QTMAN: variants seen among roughly 807,000 people sequenced by gnomAD.
QTMAN encodes the protein tRNA-queuosine alpha-mannosyltransferase.
chr2:143,954,373 T>C, the QTMAN span, among the ~76,000 whole-genome samples: 1 of 152,060 alleles, frequency 6.6e-6, no homozygotes, highest in African/African-American at 2.4e-5. Context: ...GCACATGTTA[T>C]CTGCTTTTTA....
the QTMAN span, among the ~76,000 whole-genome samples, chr2:144,053,981 A>G: frequency 1.3e-5 from 2 of 152,058 alleles, no homozygotes; most frequent in Non-Finnish European, 2.9e-5. Context: ...AGGTCAGGAG[A>G]TCGAGATCAT....
At chr2:144,323,906 T>C in the QTMAN span, among the ~76,000 whole-genome samples, 13 of 152,228 alleles carry the variant, frequency 8.5e-5, no homozygotes, top group Middle Eastern at 3.2e-3. Context: ...TGAAGTTACT[T>C]GTCCAAGGTC....
chr2:144,233,101 T>C, the QTMAN span, among the ~76,000 whole-genome samples: 8 of 152,192 alleles, frequency 5.3e-5, no homozygotes, highest in Admixed American at 4.6e-4. Context: ...TAGACAAAAA[T>C]AGAAAACAAT....
the QTMAN span, among the ~76,000 whole-genome samples, chr2:144,157,177 C>G: frequency 2.0e-5 from 3 of 152,048 alleles, no homozygotes; most frequent in Non-Finnish European, 4.4e-5. Context: ...TGTTTATTTT[C>G]TGTTTCATCC....
chr2:143,986,356 G>C, the QTMAN span, among the ~76,000 whole-genome samples: 2 of 152,224 alleles, frequency 1.3e-5, no homozygotes, highest in African/African-American at 4.8e-5. Flanking sequence ...TCATGTGCCA[G>C]ACAGGCTTTG....
At chr2:144,072,659 C>G in the QTMAN span, among the ~76,000 whole-genome samples, 1 of 152,162 alleles carries the variant, frequency 6.6e-6, no homozygotes, top group Non-Finnish European at 1.5e-5. Flanking sequence ...AAAACCTTGA[C>G]AGAAATCCAC....
the QTMAN span, among the ~76,000 whole-genome samples, chr2:143,962,603 A>T: frequency 3.9e-5 from 6 of 152,154 alleles, no homozygotes; most frequent in African/African-American, 1.4e-4. Context: ...AGAGTCTGGG[A>T]GACTAATCTG....
At chr2:144,153,559 C>T in the QTMAN span, among the ~76,000 whole-genome samples, 3,443 of 152,100 alleles carry the variant, frequency 0.023, 275 homozygotes, top group East Asian at 0.3. Flanking sequence ...GGCATGGTGG[C>T]AGGTGCCTGT....
the QTMAN span, among the ~76,000 whole-genome samples, chr2:144,045,227 A>G: frequency 2.0e-5 from 3 of 152,358 alleles, no homozygotes; most frequent in African/African-American, 4.8e-5. Flanking sequence ...TCTGGTCTTA[A>G]GTAAGAACTG....
the QTMAN span, among the ~76,000 whole-genome samples, chr2:144,132,306 C>A: frequency 1.3e-5 from 2 of 151,914 alleles, no homozygotes; most frequent in South Asian, 4.1e-4. Context: ...ATAACAAAAT[C>A]TTTTATCAGG....
At chr2:143,958,121 T>A in the QTMAN span, among the ~76,000 whole-genome samples, 2 of 152,140 alleles carry the variant, frequency 1.3e-5, no homozygotes, top group Non-Finnish European at 2.9e-5. Flanking sequence ...GAAGATAGTA[T>A]TTTGGGCAGA....
At chr2:144,248,081 A>C in the QTMAN span, among the ~76,000 whole-genome samples, 1 of 152,254 alleles carries the variant, frequency 6.6e-6, no homozygotes. Context: ...TTAATTTAAA[A>C]GAAACAGTCA....
chr2:143,989,060 C>T, the QTMAN span, among the ~76,000 whole-genome samples: 1 of 152,064 alleles, frequency 6.6e-6, no homozygotes, highest in Non-Finnish European at 1.5e-5. Context: ...TGATTCACCT[C>T]TCCCCAGCCC....
At chr2:144,013,557 A>C in the QTMAN span, among the ~76,000 whole-genome samples, 1 of 152,238 alleles carries the variant, frequency 6.6e-6, no homozygotes, top group East Asian at 1.9e-4. Context: ...CGTCTAAAAG[A>C]AAGCAGGAGA....
the QTMAN span, among the ~76,000 whole-genome samples, chr2:144,277,145 T>G: frequency 6.6e-6 from 1 of 152,190 alleles, no homozygotes; most frequent in African/African-American, 2.4e-5. Context: ...CATGTTTAAA[T>G]GATATTCTGG....
At chr2:144,175,478 C>A in the QTMAN span, among the ~76,000 whole-genome samples, 1 of 152,044 alleles carries the variant, frequency 6.6e-6, no homozygotes, top group African/African-American at 2.4e-5. Flanking sequence ...AATGCTTCTG[C>A]CCACAAAGGG....
the QTMAN span, among the ~76,000 whole-genome samples, chr2:143,986,778 A>G: frequency 6.6e-6 from 1 of 152,226 alleles, no homozygotes; most frequent in Non-Finnish European, 1.5e-5. Flanking sequence ...CTGTGCTTTA[A>G]TCTAAAAATA....
At chr2:144,108,340 G>C in the QTMAN span, among the ~76,000 whole-genome samples, 2 of 152,094 alleles carry the variant, frequency 1.3e-5, no homozygotes, top group Non-Finnish European at 2.9e-5. Context: ...TGACATGATT[G>C]TATATTTAGA....
the QTMAN span, among the ~76,000 whole-genome samples, chr2:144,197,490 G>A: frequency 9.9e-5 from 15 of 152,032 alleles, no homozygotes; most frequent in Non-Finnish European, 1.9e-4. Flanking sequence ...CCAATGTAAT[G>A]AGTAAATATG....
Sources: gnomAD v4.1 joint callset for allele counts (sites outside exome capture counted in the v4.1 genomes callset) on GRCh38, gnomAD v4.1.1 for gene constraint, MANE v1.5 for transcripts, NCBI Gene and HGNC (gene_info 2026-07-23, HGNC 2026-07-21) for gene names.